Variants in ROR1 observed in about 807,000 individuals in gnomAD.
ROR1 encodes ROR family WNT receptor 1.
Under a neutral mutation model 78.8 loss-of-function variants are expected in ROR1, and 19 were observed. That is an observed-to-expected ratio of 0.24 (90% CI 0.17 to 0.35). The LOEUF (loss-of-function observed/expected upper bound fraction) is 0.35. Ranked by LOEUF, ROR1 falls within the 10% of genes least tolerant of loss-of-function variation. The pLI is 1.00. For missense variants in ROR1, 917 were observed against 1,177.8 expected, an observed-to-expected ratio of 0.78 and a Z score of 3.24; for synonymous variants, 386 against 433.6, an observed-to-expected ratio of 0.89 and a Z score of 1.36.
intron 1 of ROR1, among the ~76,000 whole-genome samples, chr1:63,811,115 C>T (rs1268812662): frequency 6.6e-6 from 1 of 152,160 alleles, no homozygotes; most frequent in Non-Finnish European, 1.5e-5. Context: ...ATATAATTTG[C>T]TTTAACTTGG....
rs1049947936 is a variant in ROR1 at position 64,159,070 on chromosome 1, T to G, written c.1264T>G (p.Phe422Val). The stretch of plus-strand genomic sequence containing the variant: ...CATTCCCCTGGCCATTGCTTTACTC[T>G]TCTTCTTCATTTGCGTCTGTCGGAA... ...VAIPLAIALL[F>V]FFICVCRNNQ... is the part of the protein sequence containing the mutation. Residue 422 changes from phenylalanine (F) to valine (V), a missense_variant, in exon 8 of 9, where the codon TTC (phenylalanine) becomes GTC (valine). By Grantham distance (50) the Phe-to-Val change is conservative. Around this residue, in one of 3 missense-constraint regions of ROR1, gnomAD observed 835 missense variants for 1,069.8 expected, o/e 0.78. Transcript: ENST00000371079. 2.5e-6 allele frequency: 4 copies of G among 1,614,144 alleles called. No individual in the cohort carries two copies. The highest frequency in any genetic ancestry group is 3.4e-6 in the Non-Finnish European group (4 of 1,179,972).
intron 1 of ROR1, among the ~76,000 whole-genome samples, chr1:63,831,026 C>T (rs554232232): frequency 1.9e-4 from 29 of 152,230 alleles, no homozygotes; most frequent in Non-Finnish European, 3.5e-4. Flanking sequence ...CTCTATGTCT[C>T]ACATCCAGGG....
intron 4 of ROR1, among the ~76,000 whole-genome samples, chr1:64,099,796 C>T (rs532317428): frequency 1.3e-5 from 2 of 152,168 alleles, no homozygotes; most frequent in Non-Finnish European, 2.9e-5. Context: ...GTGGCTCACG[C>T]CTGTAATCCC....
chr1:64,012,942 G>A (rs1056758182), intron 2 of ROR1, among the ~76,000 whole-genome samples: 12 of 152,210 alleles, frequency 7.9e-5, no homozygotes, highest in Admixed American at 1.3e-4. Context: ...ACAGATTTGA[G>A]ATAATACGGT....
intron 1 of ROR1, among the ~76,000 whole-genome samples, chr1:63,954,911 T>A: frequency 6.6e-6 from 1 of 152,066 alleles, no homozygotes; most frequent in East Asian, 1.9e-4. Flanking sequence ...ATTATGGCAA[T>A]GGAGAAAGAC....
At chr1:63,877,049 A>G (rs1645291721) in intron 1 of ROR1, among the ~76,000 whole-genome samples, 2 of 152,134 alleles carry the variant, frequency 1.3e-5, no homozygotes, top group African/African-American at 4.8e-5. Flanking sequence ...AGGGCACACA[A>G]TGATTAGCGC....
chr1:63,857,030 G>A (rs551492396), intron 1 of ROR1, among the ~76,000 whole-genome samples: 21 of 151,982 alleles, frequency 1.4e-4, no homozygotes, highest in Middle Eastern at 3.4e-3. Context: ...TTTAATCTCG[G>A]GATTTCTAAC....
intron 1 of ROR1, among the ~76,000 whole-genome samples, chr1:63,961,735 A>G (rs1646031293): frequency 6.6e-6 from 1 of 152,120 alleles, no homozygotes; most frequent in Admixed American, 6.5e-5. Flanking sequence ...ATGGATATGA[A>G]ATTACGGTTA....
In ROR1 at chr1:64,177,612, C is replaced by G. The variant is rs770822206; in HGVS notation, c.1571C>G (p.Ala524Gly). ...PQQWTEFQQE[A>G]SLMAELHHPN... ...CAATGGACGGAATTTCAACAAGAAGCCTCCCTAATGGCAGAACTGCACCAC... is the reference window on the plus strand; with the variant it reads ...CAATGGACGGAATTTCAACAAGAAGGCTCCCTAATGGCAGAACTGCACCAC... The change falls in exon 9 of 9, where the codon GCC (alanine) becomes GGC (glycine). Residue 524 changes from alanine (A) to glycine (G), a missense_variant. This residue lies in a region of ROR1 where 835 missense variants were observed against 1,069.8 expected (regional missense o/e 0.78). Coordinates refer to ENST00000371079, the MANE Select transcript of ROR1 (RefSeq NM_005012.4). 32 of 1,614,086 alleles carry G rather than the reference C, an allele frequency of 2.0e-5. No homozygotes were observed. The highest frequency in any genetic ancestry group is 2.6e-5 in the Non-Finnish European group (31 of 1,180,046).
At position 64,067,710 on chromosome 1, in the gene ROR1, C is replaced by CTTTTTTTTTTTTT. The variant is rs986756579; in HGVS notation, c.482+17002_482+17014dup. Among the ~76,000 whole-genome samples the CTTTTTTTTTTTTT allele has an allele frequency of 3.1e-3, 331 of 105,618 alleles. 14 individuals are homozygous for CTTTTTTTTTTTTT. Among genetic ancestry groups the CTTTTTTTTTTTTT allele is most frequent in the African/African-American group, 5.9e-3 (139 of 23,488 alleles). 69.3% of individuals were successfully genotyped at this position (105,618 alleles called of 152,430 possible). On this transcript the variant is annotated intron_variant, in intron 4 of 8. Coordinates refer to ENST00000371079, the MANE Select transcript of ROR1 (RefSeq NM_005012.4). ...TATTTCTATCCAAGTTAAATAAATT[C>CTTTTTTTTTTTTT]TTTTTTTTTTTTTTTTTTTTGAGAC...
intron 4 of ROR1, among the ~76,000 whole-genome samples, chr1:64,116,716 G>A (rs538795287): frequency 3.3e-5 from 5 of 152,234 alleles, no homozygotes; most frequent in African/African-American, 9.6e-5. Flanking sequence ...GCACCAATCC[G>A]TGTAGTGAGA....
chr1:63,900,984 T>A (rs1024386834), intron 1 of ROR1, among the ~76,000 whole-genome samples: 58 of 152,250 alleles, frequency 3.8e-4, no homozygotes, highest in African/African-American at 1.0e-3. Flanking sequence ...GTAGCATTAT[T>A]ACCGTCATGT....
At chr1:64,093,002 T>G (rs1647215167) in intron 4 of ROR1, among the ~76,000 whole-genome samples, 1 of 152,188 alleles carries the variant, frequency 6.6e-6, no homozygotes, top group African/African-American at 2.4e-5. Flanking sequence ...ACTGTTTTAG[T>G]AAGGGTGACC....
At position 64,154,491 on chromosome 1, in the gene ROR1, G is replaced by A. The variant is rs1190849179; in HGVS notation, c.1175-4490G>A. On this transcript the variant is annotated intron_variant, in intron 7 of 8. Transcript: ENST00000371079. ...ATATTTAAAACCAGAGCCTTTTCTTGTTTTAACTCAAAGTAATATCCCAGA... is the reference window on the plus strand; with the variant it reads ...ATATTTAAAACCAGAGCCTTTTCTTATTTTAACTCAAAGTAATATCCCAGA... 3.9e-5 allele frequency among the ~76,000 whole-genome samples: 6 copies of A among 151,958 alleles called. No homozygotes were observed. The East Asian group carries it at 1.2e-3, about 29-fold the overall frequency.
At chr1:64,101,006 C>T (rs567029103) in intron 4 of ROR1, among the ~76,000 whole-genome samples, 1 of 152,108 alleles carries the variant, frequency 6.6e-6, no homozygotes, top group Non-Finnish European at 1.5e-5. Context: ...CAGATGCTGG[C>T]ACGTAGTGCA....
At chr1:64,042,438 T>C (rs929049076) in intron 2 of ROR1, among the ~76,000 whole-genome samples, 2 of 152,190 alleles carry the variant, frequency 1.3e-5, no homozygotes, top group Non-Finnish European at 1.5e-5. Context: ...TGCTCAGATA[T>C]GAAGCCAAGC....
chr1:63,982,866 C>T (rs1269903697), intron 1 of ROR1, among the ~76,000 whole-genome samples: 1 of 151,956 alleles, frequency 6.6e-6, no homozygotes, highest in Non-Finnish European at 1.5e-5. Context: ...GATATATAAC[C>T]TGGAAAATAA....
At chr1:64,127,251 T>C (rs1025235710) in intron 4 of ROR1, among the ~76,000 whole-genome samples, 5 of 152,232 alleles carry the variant, frequency 3.3e-5, no homozygotes, top group Admixed American at 6.5e-5. Flanking sequence ...ATATATTTCT[T>C]ATAATGGACA....
intron 4 of ROR1, among the ~76,000 whole-genome samples, chr1:64,119,718 G>A (rs1350426969): frequency 6.6e-6 from 1 of 151,976 alleles, no homozygotes; most frequent in Non-Finnish European, 1.5e-5. Flanking sequence ...CATGGCACAT[G>A]TGTTAAAGGT....
Sources: allele counts gnomAD v4.1 joint callset (sites outside exome capture counted in the v4.1 genomes callset), GRCh38; gene constraint gnomAD v4.1.1; regional missense constraint gnomAD v4.1.1; transcripts MANE v1.5; gene names NCBI Gene and HGNC (gene_info 2026-07-23, HGNC 2026-07-21).